The following MTR variants were observed in gnomAD, a reference collection of about 807,000 sequenced individuals.
The protein encoded by MTR is 5-methyltetrahydrofolate-homocysteine methyltransferase.
MTR carries 84 observed loss-of-function variants against 154.8 expected under a neutral mutation model. The ratio of observed to expected loss-of-function variants is 0.54; its 90% CI spans 0.45 to 0.65. MTR has a LOEUF of 0.65. MTR is among the 30% of genes least tolerant of loss of function. MTR has a pLI of 0.00. For missense variants in MTR, 1,275 were observed against 1,570.2 expected (o/e 0.81, Z 3.18); for synonymous variants, 554 against 553.9 (o/e 1.00, Z 0.00).
chr1:236,864,211 T>C (rs906965035), intron 22 of MTR, among the ~76,000 whole-genome samples: 3 of 152,234 alleles, frequency 2.0e-5, no homozygotes, highest in African/African-American at 7.2e-5. Context: ...ATGGAAATAA[T>C]GCTTTCCCAT....
At chr1:236,847,995 A>G (rs770508350) in intron 15 of MTR, among the ~76,000 whole-genome samples, 1 of 152,240 alleles carries the variant, frequency 6.6e-6, no homozygotes, top group Non-Finnish European at 1.5e-5. Context: ...TGCTCCTGAC[A>G]AAGGCCTGTA....
At chr1:236,875,207 G>A (rs746252401) in intron 24 of MTR, among the ~76,000 whole-genome samples, 1 of 152,148 alleles carries the variant, frequency 6.6e-6, no homozygotes, top group Non-Finnish European at 1.5e-5. Flanking sequence ...ATCATTACTT[G>A]AACTTTTGCC....
Position 236,874,767 on chromosome 1 carries a change from G to A in MTR, c.2515G>A (p.Glu839Lys). ...LSGLITPSLDEMIFVAKEMER... is the reference protein window; with the variant it reads ...LSGLITPSLDKMIFVAKEMER... The stretch of plus-strand genomic sequence containing the variant: ...AGGACTCATCACTCCTTCCCTGGAT[G>A]AAATGATTTTTGTTGCCAAGGAAAT... The change falls in exon 24 of 33, where the codon GAA becomes AAA. Residue 839 changes from glutamate (E) to lysine (K), a missense_variant. Glu to Lys is a moderately conservative substitution (Grantham distance 56, BLOSUM62 1). Transcript: ENST00000366577. 6.2e-7 allele frequency: 1 copy of A among 1,611,590 alleles called. No individual in the cohort carries two copies. Among genetic ancestry groups the A allele is most frequent in the Non-Finnish European group, 8.5e-7 (1 of 1,178,754 alleles).
At position 236,901,885 on chromosome 1, in the gene MTR, C is replaced by G. The variant is rs1293764765; in HGVS notation, c.*4241C>G. The G allele has an allele frequency of 1.3e-5, 2 of 152,238 alleles. No homozygotes were observed. Among genetic ancestry groups the G allele is most frequent in the Non-Finnish European group, 1.5e-5 (1 of 68,076 alleles). 9.4% of individuals were successfully genotyped at this position (152,238 alleles called of 1,614,324 possible). On this transcript the variant is annotated 3_prime_UTR_variant, in exon 33 of 33. Transcript: ENST00000366577. ...GGATACATCAGACCATAACACTTTT[C>G]TTTTTCTCAACCTTCACATCCAGTT...
chr1:236,803,459 C>A lies in MTR; in HGVS notation c.66C>A (p.Ile22=). The A allele has an allele frequency of 6.2e-7, 1 of 1,614,118 alleles. No homozygotes were observed. The highest frequency in any genetic ancestry group is 8.5e-7 in the Non-Finnish European group (1 of 1,180,016). ...EGLKKTLRDE[I]NAILQKRIMV... The stretch of plus-strand genomic sequence containing the variant: ...TGAAGAAAACCCTGCGGGATGAGAT[C>A]AATGCCATTCTGCAGAAGAGGATTA... The change falls in exon 2 of 33, where the codon ATC becomes ATA. Residue 22 remains isoleucine (I), a synonymous_variant. Transcript: ENST00000366577.
chr1:236,815,473 T>A (rs770531605), intron 6 of MTR, 131 bp from the exon 7 acceptor site: 61 of 883,616 alleles, frequency 6.9e-5, no homozygotes, highest in Non-Finnish European at 1.1e-4. Flanking sequence ...AGGAAGACAC[T>A]TCTTCCCAGA....
chr1:236,895,886 C>T (rs1194998405), intron 31 of MTR, among the ~76,000 whole-genome samples: 7 of 152,162 alleles, frequency 4.6e-5, no homozygotes, highest in Non-Finnish European at 7.3e-5. Flanking sequence ...CCTTAGAGAC[C>T]GACCTTTGTC....
chr1:236,859,697 C>A, intron 18 of MTR, 136 bp from the exon 19 acceptor site: 1 of 703,532 alleles, frequency 1.4e-6, no homozygotes, highest in Non-Finnish European at 2.6e-6. Flanking sequence ...TTATTTTATG[C>A]TGGACAGTCT....
At position 236,900,077 on chromosome 1, in the gene MTR, C is replaced by T. The variant is rs1166806361; in HGVS notation, c.*2433C>T. The T allele has an allele frequency of 1.3e-5, 4 of 301,946 alleles. No homozygotes were observed. Among genetic ancestry groups the T allele is most frequent in the Non-Finnish European group, 2.7e-5 (4 of 149,444 alleles). The allele number at this position is 301,946 out of a possible 1,614,324, so 18.7% of individuals were successfully genotyped here. A position where few individuals can be genotyped will look rare whatever the true frequency, so the allele number is the denominator to read the frequency against. ...AACTCCCACCTGTATGTCCAGCAAA[C>T]TCTTGCATGTGGCCACTAGGAGGAA... On this transcript the variant is annotated 3_prime_UTR_variant, in exon 33 of 33. Coordinates refer to ENST00000366577, the MANE Select transcript of MTR (RefSeq NM_000254.3).
Position 236,844,721 on chromosome 1 carries a change from T to C in MTR, c.1516-5623T>C, listed in dbSNP as rs116433785. 2.3e-3 allele frequency among the ~76,000 whole-genome samples: 343 copies of C among 152,294 alleles called. 5 individuals are homozygous for C. Among genetic ancestry groups the C allele is most frequent in the African/African-American group, 7.6e-3 (316 of 41,556 alleles). On this transcript the variant is annotated intron_variant, in intron 15 of 32. Coordinates refer to ENST00000366577, the MANE Select transcript of MTR (RefSeq NM_000254.3). ...GAAGGCAGAGTAAAGAGTGCAGATC[T>C]GCAGGCATGCTGGTTGATGTGCTGG...
rs1666756438 is a variant in MTR at position 236,897,942 on chromosome 1, A to G, written c.*298A>G. The stretch of plus-strand genomic sequence containing the variant: ...TGAAGACAGAGGTCGTTTGATTTCA[A>G]AGCAAGTCAACCTGCTTTTTTCTGT... On this transcript the variant is annotated 3_prime_UTR_variant, in exon 33 of 33. Coordinates refer to ENST00000366577, the MANE Select transcript of MTR (RefSeq NM_000254.3). 2.9e-6 allele frequency: 1 copy of G among 346,238 alleles called. No individual in the cohort carries two copies. Among genetic ancestry groups the G allele is most frequent in the African/African-American group, 2.2e-5 (1 of 46,454 alleles). The allele number at this position is 346,238 out of a possible 1,614,324, so 21.4% of individuals were successfully genotyped here.
intron 2 of MTR, among the ~76,000 whole-genome samples, chr1:236,804,714 A>T (rs1660880524): frequency 1.3e-5 from 2 of 152,282 alleles, no homozygotes; most frequent in African/African-American, 4.8e-5. Context: ...TTCCCATTTG[A>T]CCATACTCTA....
Position 236,898,013 on chromosome 1 carries a change from C to G in MTR, c.*369C>G, listed in dbSNP as rs1335577370. 1.2e-5 allele frequency: 3 copies of G among 257,126 alleles called. No individual in the cohort carries two copies. The highest frequency in any genetic ancestry group is 2.2e-5 in the Non-Finnish European group (3 of 133,450). The allele number at this position is 257,126 out of a possible 1,614,324, so 15.9% of individuals were successfully genotyped here. On this transcript the variant is annotated 3_prime_UTR_variant, in exon 33 of 33. Coordinates refer to ENST00000366577, the MANE Select transcript of MTR (RefSeq NM_000254.3). ...GGCCACTTAGTCGTCTTTTTTTCCT[C>G]TTAGAAGAAAAGCCTGAAACTGAGT...
At chr1:236,873,963 AG>A (rs1665287757) in intron 23 of MTR, 123 bp downstream of exon 23, 3 of 944,982 alleles carry the variant, frequency 3.2e-6, no homozygotes, top group Non-Finnish European at 5.1e-6. Flanking sequence ...CATACAATCA[AG>A]TGCCAGCTCC....
intron 15 of MTR, 76 bp from the exon 16 acceptor site, chr1:236,850,268 A>T: frequency 1.1e-6 from 1 of 929,918 alleles, no homozygotes; most frequent in Non-Finnish European, 1.5e-6. Flanking sequence ...TTAAAATAAA[A>T]TAACAGGTAT....
intron 18 of MTR, among the ~76,000 whole-genome samples, chr1:236,858,484 G>A (rs138544930): frequency 6.6e-6 from 1 of 152,246 alleles, no homozygotes; most frequent in East Asian, 1.9e-4. Context: ...GGCATTGGAT[G>A]GCATGGTAAG....
At chr1:236,858,774 T>C (rs1379517203) in intron 18 of MTR, among the ~76,000 whole-genome samples, 1 of 152,152 alleles carries the variant, frequency 6.6e-6, no homozygotes, top group Non-Finnish European at 1.5e-5. Context: ...TACTTAGGTT[T>C]CCGGTTTGGC....
At chr1:236,881,419 C>T (rs939635841) in intron 25 of MTR, among the ~76,000 whole-genome samples, 4 of 152,096 alleles carry the variant, frequency 2.6e-5, no homozygotes, top group African/African-American at 4.8e-5. Flanking sequence ...GGGGTGCACC[C>T]GAGAGGCAGT....
rs969630645 is a variant in MTR at position 236,810,351 on chromosome 1, A to T, written c.410-152A>T. 4.4e-6 allele frequency: 3 copies of T among 679,364 alleles called. No homozygotes were observed. In the East Asian group the frequency reaches 8.0e-5, roughly 18 times the overall value. The allele number at this position is 679,364 out of a possible 1,614,324, so 42.1% of individuals were successfully genotyped here. A position where few individuals can be genotyped will look rare whatever the true frequency, so the allele number is the denominator to read the frequency against. On this transcript the variant is annotated intron_variant, in intron 4 of 32. Coordinates refer to ENST00000366577, the MANE Select transcript of MTR (RefSeq NM_000254.3). ...CAAGTTTTATTGTCAAACTGAGAAA[A>T]AAGTTTGGGCTTTTAGAGCTTTTTG...
Sources: gnomAD v4.1 joint callset for allele counts (sites outside exome capture counted in the v4.1 genomes callset) on GRCh38, gnomAD v4.1.1 for gene constraint, MANE v1.5 for transcripts, NCBI Gene and HGNC (gene_info 2026-07-23, HGNC 2026-07-21) for gene names.